PTPRD: variants seen among roughly 807,000 people sequenced by gnomAD.
PTPRD encodes the protein receptor-type tyrosine-protein phosphatase delta.
A neutral mutation model predicts 214.5 loss-of-function variants in PTPRD; 34 were observed. That is an observed-to-expected ratio of 0.16 (90% CI 0.12 to 0.21). The LOEUF (loss-of-function observed/expected upper bound fraction) is 0.21, where lower values mean the gene tolerates loss of function less well. PTPRD is among the 10% of genes least tolerant of loss of function. The pLI is 1.00. For missense variants in PTPRD, 2,545 were observed against 2,398.7 expected, an observed-to-expected ratio of 1.06 and a Z score of -1.27; for synonymous variants, 1,128 against 845.7, an observed-to-expected ratio of 1.33 and a Z score of -5.79.
chr9:10,578,009 T>C (rs1370521792), intron 2 of PTPRD, among the ~76,000 whole-genome samples: 1 of 151,622 alleles, frequency 6.6e-6, no homozygotes, highest in Non-Finnish European at 1.5e-5. Flanking sequence ...CCTCCCAGGT[T>C]CAAGCGATTC....
chr9:10,386,044 AC>A (rs931181529), intron 2 of PTPRD, among the ~76,000 whole-genome samples: 1 of 151,758 alleles, frequency 6.6e-6, no homozygotes, highest in African/African-American at 2.4e-5. Flanking sequence ...AAATATACTG[AC>A]CCAATTTTTC....
intron 5 of PTPRD, among the ~76,000 whole-genome samples, chr9:9,877,370 CAA>C (rs2067186444): frequency 6.6e-6 from 1 of 152,096 alleles, no homozygotes; most frequent in Non-Finnish European, 1.5e-5. Context: ...AGATTTGAGG[CAA>C]AGACTTCAAG....
intron 11 of PTPRD, among the ~76,000 whole-genome samples, chr9:8,833,238 T>C (rs77097551): frequency 0.1 from 15,774 of 152,106 alleles, 860 homozygotes; most frequent in African/African-American, 0.13. Context: ...TATTGGACAG[T>C]ATTCTACTAC....
At chr9:9,306,953 T>G (rs1957339840) in intron 9 of PTPRD, among the ~76,000 whole-genome samples, 1 of 152,196 alleles carries the variant, frequency 6.6e-6, no homozygotes, top group Admixed American at 6.5e-5. Context: ...GAGACAAATC[T>G]TATTTGACAA....
intron 9 of PTPRD, among the ~76,000 whole-genome samples, chr9:9,198,989 A>G (rs889250918): frequency 1.3e-5 from 2 of 152,140 alleles, no homozygotes; most frequent in East Asian, 1.9e-4. Context: ...AGGAAGATAT[A>G]ACTTATGATT....
At chr9:10,520,471 G>A (rs930474617) in intron 2 of PTPRD, among the ~76,000 whole-genome samples, 1 of 152,228 alleles carries the variant, frequency 6.6e-6, no homozygotes, top group Non-Finnish European at 1.5e-5. Context: ...GCAAGGTGAA[G>A]CAGCAAGTGC....
At chr9:10,246,417 T>C (rs752141764) in intron 3 of PTPRD, among the ~76,000 whole-genome samples, 2 of 152,120 alleles carry the variant, frequency 1.3e-5, no homozygotes, top group Non-Finnish European at 2.9e-5. Flanking sequence ...ATAATTTTTG[T>C]ATTTGTAGTA....
chr9:8,455,029 A>C (rs139146734), intron 33 of PTPRD, among the ~76,000 whole-genome samples: 17 of 152,358 alleles, frequency 1.1e-4, no homozygotes, highest in African/African-American at 4.1e-4. Flanking sequence ...TAAAATAAAA[A>C]GCCTTCAATT....
At chr9:10,026,520 A>G (rs993488722) in intron 4 of PTPRD, among the ~76,000 whole-genome samples, 5 of 152,218 alleles carry the variant, frequency 3.3e-5, no homozygotes, top group African/African-American at 9.6e-5. Flanking sequence ...GAAACAAAAA[A>G]GACAACGATG....
chr9:9,072,084 G>C (rs893521514), intron 10 of PTPRD, among the ~76,000 whole-genome samples: 2 of 151,972 alleles, frequency 1.3e-5, no homozygotes, highest in Non-Finnish European at 2.9e-5. Context: ...TGCAAAGCAG[G>C]ATAATTTTAA....
intron 9 of PTPRD, among the ~76,000 whole-genome samples, chr9:9,391,901 G>T (rs1305171732): frequency 6.6e-6 from 1 of 152,030 alleles, no homozygotes; most frequent in South Asian, 2.1e-4. Context: ...GAAGACTTTG[G>T]TTCACAGAGA....
At chr9:9,300,776 C>A (rs569937410) in intron 9 of PTPRD, among the ~76,000 whole-genome samples, 20 of 151,822 alleles carry the variant, frequency 1.3e-4, no homozygotes, top group Non-Finnish European at 2.4e-4. Flanking sequence ...AAATAAATTT[C>A]TGCTGTTTAT....
At chr9:10,435,659 A>G (rs1436752330) in intron 2 of PTPRD, among the ~76,000 whole-genome samples, 1 of 151,948 alleles carries the variant, frequency 6.6e-6, no homozygotes. Flanking sequence ...CTTACAGCAC[A>G]GCAGGAAAAA....
chr9:9,386,780 G>T (rs2140623346), intron 9 of PTPRD, among the ~76,000 whole-genome samples: 1 of 152,184 alleles, frequency 6.6e-6, no homozygotes, highest in African/African-American at 2.4e-5. Flanking sequence ...ATAAAGGCAA[G>T]GAGTAGGTTA....
chr9:8,805,851 C>T (rs1317167014), intron 11 of PTPRD, among the ~76,000 whole-genome samples: 2 of 149,970 alleles, frequency 1.3e-5, no homozygotes, highest in Non-Finnish European at 3.0e-5. Context: ...AAAAATAAGC[C>T]GGGCATGGTG....
intron 11 of PTPRD, among the ~76,000 whole-genome samples, chr9:8,763,883 C>G (rs1473268435): frequency 1.3e-5 from 2 of 152,102 alleles, no homozygotes; most frequent in African/African-American, 4.8e-5. Context: ...TAAAAATTCT[C>G]TCTCATTAGC....
intron 14 of PTPRD, among the ~76,000 whole-genome samples, chr9:8,625,973 G>GT (rs1231705083): frequency 6.6e-6 from 1 of 151,208 alleles, no homozygotes; most frequent in Non-Finnish European, 1.5e-5. Context: ...ACAAGTCATT[G>GT]TTTTTTTAAT....
chr9:10,276,209 C>A (rs953426421), intron 3 of PTPRD, among the ~76,000 whole-genome samples: 1 of 152,122 alleles, frequency 6.6e-6, no homozygotes, highest in Non-Finnish European at 1.5e-5. Flanking sequence ...TATGAACAGG[C>A]CTTAATCCAG....
At chr9:9,275,749 A>G (rs1945358149) in intron 9 of PTPRD, among the ~76,000 whole-genome samples, 1 of 151,270 alleles carries the variant, frequency 6.6e-6, no homozygotes, top group African/African-American at 2.4e-5. Context: ...AGTGTGAATT[A>G]GTGCAGGCAC....
Sources: allele counts gnomAD v4.1 joint callset (sites outside exome capture counted in the v4.1 genomes callset), GRCh38; gene constraint gnomAD v4.1.1; transcripts MANE v1.5; gene names NCBI Gene and HGNC (gene_info 2026-07-23, HGNC 2026-07-21).